C1QTNF8: variants seen among roughly 807,000 people sequenced by gnomAD.
The protein encoded by C1QTNF8 is C1q and TNF related 8.
A neutral mutation model predicts 19.2 loss-of-function variants in C1QTNF8; 27 were observed. The ratio of observed to expected loss-of-function variants is 1.41; its 90% CI spans 1.04 to 1.94. C1QTNF8 has a LOEUF of 1.94. Ranked by LOEUF, C1QTNF8 falls within the 30% of genes most tolerant of loss-of-function variation. C1QTNF8 has a pLI of 0.00. For synonymous variants in C1QTNF8, 208 were observed against 172.8 expected (o/e 1.20, Z -1.60); for missense variants, 484 against 374.4 (o/e 1.29, Z -2.42).
At chr16:1,091,021 G>A (rs1960533261) in intron 4 of C1QTNF8, among the ~76,000 whole-genome samples, 1 of 152,210 alleles carries the variant, frequency 6.6e-6, no homozygotes, top group Non-Finnish European at 1.5e-5. Context: ...TGTGGGCCCA[G>A]CTGCTCAGAG....
Position 1,094,715 on chromosome 16 carries a change from C to A in C1QTNF8, c.208G>T (p.Gly70Cys). The A allele has an allele frequency of 6.3e-7, 1 of 1,593,998 alleles. No homozygotes were observed. The highest frequency in any genetic ancestry group is 8.5e-7 in the Non-Finnish European group (1 of 1,170,988). The change falls in exon 3 of 5, where the codon GGT becomes TGT. Residue 70 changes from glycine to cysteine, a missense_variant and splice_region_variant. Transcript: ENST00000328449. ...TGCAGGCAGCACCCACGGGCCTCACCTTTGAGGATTTCGATGTCTATAGTG... is the reference window on the plus strand; with the variant it reads ...TGCAGGCAGCACCCACGGGCCTCACATTTGAGGATTTCGATGTCTATAGTG... ...RPTIDIEILK[G>C]EKGEAGVRGR...
At position 1,094,665 on chromosome 16, in the gene C1QTNF8, G is replaced by C. The variant is rs1960645700; in HGVS notation, c.208+50C>G. The C allele has an allele frequency of 2.7e-6, 4 of 1,509,072 alleles. 1 individual carries two copies. In the South Asian group the frequency reaches 4.7e-5, roughly 18 times the overall value. The allele number at this position is 1,509,072 out of a possible 1,614,324, so 93.5% of individuals were successfully genotyped here. ...CCCAGGTGCTCCCCACTCCCTGTGG[G>C]CTGTTGGGTCCTGGTGGGGGAGCAT... On this transcript the variant is annotated intron_variant, in intron 3 of 4. Transcript: ENST00000328449.
At chr16:1,096,009 C>A (rs1423033975) in intron 1 of C1QTNF8, 147 bp downstream of exon 1, 3 of 152,388 alleles carry the variant, frequency 2.0e-5, no homozygotes, top group Non-Finnish European at 4.4e-5. Context: ...CGTCCCAGCC[C>A]CTGGCCCTGC....
chr16:1,093,637 A>C lies in C1QTNF8; in HGVS notation c.623T>G (p.Met208Arg). The C allele has an allele frequency of 1.1e-5, 17 of 1,610,018 alleles. No individual in the cohort carries two copies. Among genetic ancestry groups the C allele is most frequent in the Non-Finnish European group, 1.4e-5 (17 of 1,178,450 alleles). ...ERSVMQAQSL[M>R]LLLAAGDAVW... The stretch of plus-strand genomic sequence containing the variant: ...GGCGTCGCCCGCCGCCAGCAGCAGC[A>C]TCAGGCTCTGGGCCTGCATGACGCT... The change falls in exon 4 of 5, where the codon ATG becomes AGG. Residue 208 changes from methionine (M) to arginine (R), a missense_variant. Physicochemically the swap from Met to Arg is moderately conservative, Grantham distance 91. Coordinates refer to ENST00000328449, the MANE Select transcript of C1QTNF8 (RefSeq NM_207419.3).
Position 1,093,783 on chromosome 16 carries a change from C to G in C1QTNF8, c.477G>C (p.Thr159=). ...FDLAAGRFLC[T]VPGVYFLSLN... is the part of the protein sequence containing the mutation. ...GGCTGAGGAAGTAGACGCCGGGCAC[C>G]GTGCAGAGGAAGCGGCCCGCGGCCA... is the stretch of plus-strand genomic sequence containing the variant. Residue 159 remains threonine (T), a synonymous_variant, in exon 4 of 5, where the codon ACG becomes ACC. Transcript: ENST00000328449. 2 of 1,612,046 alleles carry G rather than the reference C, an allele frequency of 1.2e-6. No homozygotes were observed. The highest frequency in any genetic ancestry group is 1.7e-6 in the Non-Finnish European group (2 of 1,179,670).
intron 3 of C1QTNF8, 132 bp downstream of exon 3, chr16:1,094,583 G>T: frequency 1.5e-6 from 1 of 652,764 alleles, no homozygotes; most frequent in African/African-American, 1.9e-5. Context: ...TGTGCAGGGA[G>T]CGCTGCCAGG....
At position 1,089,955 on chromosome 16, in the gene C1QTNF8, A is replaced by G. The variant is rs1479236612; in HGVS notation, c.*644T>C. 6.6e-6 allele frequency: 1 copy of G among 152,346 alleles called. No homozygotes were observed. The highest frequency in any genetic ancestry group is 1.5e-5 in the Non-Finnish European group (1 of 68,150). The allele number at this position is 152,346 out of a possible 1,614,324, so 9.4% of individuals were successfully genotyped here. ...GTGTCCCGCTATCCCAGCCAGGAGC[A>G]GACTCAGGCCCTGGGCCAAAGTGCA... On this transcript the variant is annotated 3_prime_UTR_variant, in exon 5 of 5. Coordinates refer to ENST00000328449, the MANE Select transcript of C1QTNF8 (RefSeq NM_207419.3).
chr16:1,089,398 C>T lies in C1QTNF8; in HGVS notation c.*1201G>A, dbSNP rs1050597474. 6.6e-6 allele frequency among the ~76,000 whole-genome samples: 1 copy of T among 152,216 alleles called. No homozygotes were observed. The highest frequency in any genetic ancestry group is 2.4e-5 in the African/African-American group (1 of 41,456). ...GGAACCCCTGGAGCCGTGCAGCTGT[C>T]CTCCGGGGCCTGGACACCAAGGGCT... On this transcript the variant is annotated 3_prime_UTR_variant, in exon 5 of 5. Coordinates refer to ENST00000328449, the MANE Select transcript of C1QTNF8 (RefSeq NM_207419.3).
In C1QTNF8 at chr16:1,093,469, C is replaced by G. The variant is rs764668142; in HGVS notation, c.*4+28G>C. On this transcript the variant is annotated intron_variant, in intron 4 of 4. Coordinates refer to ENST00000328449, the MANE Select transcript of C1QTNF8 (RefSeq NM_207419.3). ...ACACACACACACACGCGCGCGCGCGCCCGGTGCTCAGCCGCGGGGCCCCTC... is the reference window on the plus strand; with the variant it reads ...ACACACACACACACGCGCGCGCGCGGCCGGTGCTCAGCCGCGGGGCCCCTC... 1.1e-4 allele frequency: 155 copies of G among 1,465,924 alleles called. 1 individual carries two copies. The highest frequency in any genetic ancestry group is 1.3e-4 in the Non-Finnish European group (147 of 1,108,304). The allele number at this position is 1,465,924 out of a possible 1,614,324, so 90.8% of individuals were successfully genotyped here.
chr16:1,094,607 C>A lies in C1QTNF8; in HGVS notation c.208+108G>T, dbSNP rs548413033. On this transcript the variant is annotated intron_variant, in intron 3 of 4. Coordinates refer to ENST00000328449, the MANE Select transcript of C1QTNF8 (RefSeq NM_207419.3). ...AGCGCTGCCAGGGCAGACACTGGTG[C>A]TCAGCGTGCCCCTCCCGCCCCTCCT... 9.5e-6 allele frequency: 8 copies of A among 844,492 alleles called. No homozygotes were observed. The East Asian group carries it at 2.5e-4, about 26-fold the overall frequency. The allele number at this position is 844,492 out of a possible 1,614,324, so 52.3% of individuals were successfully genotyped here.
At position 1,094,033 on chromosome 16, in the gene C1QTNF8, C is replaced by T; in HGVS notation, c.227G>A (p.Gly76Asp). 1 of 1,467,256 alleles carries T rather than the reference C, an allele frequency of 6.8e-7. No individual in the cohort carries two copies. Among genetic ancestry groups the T allele is most frequent in the Admixed American group, 2.7e-5 (1 of 36,460 alleles). 90.9% of individuals were successfully genotyped at this position (1,467,256 alleles called of 1,614,324 possible). Residue 76 changes from glycine (G) to aspartate (D), a missense_variant, in exon 4 of 5, where the codon GGC becomes GAC. Gly to Asp is a moderately conservative substitution (Grantham distance 94). Transcript: ENST00000328449. ...GCTCCTGCCGGCCCGACCTCGGACG[C>T]CGGCCTCACCCTTCTCACCTGCAGG... ...EILKGEKGEA[G>D]VRGRAGRSGK...
intron 4 of C1QTNF8, among the ~76,000 whole-genome samples, chr16:1,091,320 G>A: frequency 6.6e-6 from 1 of 152,160 alleles, no homozygotes; most frequent in East Asian, 1.9e-4. Flanking sequence ...AGCTGCTCCT[G>A]ATGCTGCTCC....
Position 1,094,939 on chromosome 16 carries a change from G to A in C1QTNF8, c.-11-6C>T. Reference sequence around the variant, plus strand: ...GGCTGCCATCTTGGCCAGGGCTGGGGGAGAGGAAAGAGGGGAGGGACTGAG... The same window carrying A: ...GGCTGCCATCTTGGCCAGGGCTGGGAGAGAGGAAAGAGGGGAGGGACTGAG... On this transcript the variant is annotated splice_region_variant and splice_polypyrimidine_tract_variant and intron_variant, in intron 2 of 4. Coordinates refer to ENST00000328449, the MANE Select transcript of C1QTNF8 (RefSeq NM_207419.3). The A allele has an allele frequency of 4.0e-6, 5 of 1,241,290 alleles. No homozygotes were observed. The highest frequency in any genetic ancestry group is 5.2e-6 in the Non-Finnish European group (5 of 965,786). The allele number at this position is 1,241,290 out of a possible 1,614,324, so 76.9% of individuals were successfully genotyped here. A position where few individuals can be genotyped will look rare whatever the true frequency, so the allele number is the denominator to read the frequency against.
rs2151563065 is a variant in C1QTNF8, at chr16:1,088,722, A to T, written c.*1877T>A. On this transcript the variant is annotated 3_prime_UTR_variant, in exon 5 of 5. Coordinates refer to ENST00000328449, the MANE Select transcript of C1QTNF8 (RefSeq NM_207419.3). Reference sequence around the variant, plus strand: ...CGGTTCTCTGAGAACCAGGGTCGCCACTGGCATTCATTAGACACCCCCGCC... The same window carrying T: ...CGGTTCTCTGAGAACCAGGGTCGCCTCTGGCATTCATTAGACACCCCCGCC... 1.3e-5 allele frequency among the ~76,000 whole-genome samples: 1 copy of T among 75,474 alleles called. No homozygotes were observed. The highest frequency in any genetic ancestry group is 2.2e-4 in the East Asian group (1 of 4,574). 49.5% of individuals were successfully genotyped at this position (75,474 alleles called of 152,430 possible).
rs576983981 is a variant in C1QTNF8, at chr16:1,090,236, C to G, written c.*363G>C. The G allele has an allele frequency of 1.3e-5, 2 of 152,666 alleles. No homozygotes were observed. Among genetic ancestry groups the G allele is most frequent in the South Asian group, 4.1e-4 (2 of 4,834 alleles). The allele number at this position is 152,666 out of a possible 1,614,324, so 9.5% of individuals were successfully genotyped here. Reference sequence around the variant, plus strand: ...GGGGCAGCCTGGCCCCAGGGACAGCCTCAGGGAAAGAGGTGGATGCCGGGC... The same window carrying G: ...GGGGCAGCCTGGCCCCAGGGACAGCGTCAGGGAAAGAGGTGGATGCCGGGC... On this transcript the variant is annotated 3_prime_UTR_variant, in exon 5 of 5. Coordinates refer to ENST00000328449, the MANE Select transcript of C1QTNF8 (RefSeq NM_207419.3).
In C1QTNF8 at chr16:1,093,852, CA is replaced by C. The variant is rs1318064263; in HGVS notation, c.407del (p.Val136GlyfsTer8). ...GLHSSDHFQA[V>X]PFDTELVNLD... ...GGTTCACCAGCTCCGTGTCGAAGGG[CA>C]CCGCCTGGAAGTGGTCGGAGCTGTG... On this transcript the variant is annotated frameshift_variant, in exon 4 of 5. Transcript: ENST00000328449. LOFTEE classifies it high-confidence loss of function. 6.2e-7 allele frequency: 1 copy of C among 1,604,882 alleles called. No homozygotes were observed. The highest frequency in any genetic ancestry group is 2.2e-5 in the East Asian group (1 of 44,818).
At chr16:1,093,195 C>A (rs370585240) in intron 4 of C1QTNF8, among the ~76,000 whole-genome samples, 4 of 133,060 alleles carry the variant, frequency 3.0e-5, no homozygotes, top group South Asian at 2.5e-4. Flanking sequence ...GGCGCTCAAC[C>A]AATCACAGCA....
chr16:1,093,816 G>C lies in C1QTNF8; in HGVS notation c.444C>G (p.Ala148=). The C allele has an allele frequency of 6.2e-7, 1 of 1,610,236 alleles. No individual in the cohort carries two copies. The highest frequency in any genetic ancestry group is 8.5e-7 in the Non-Finnish European group (1 of 1,179,602). The change falls in exon 4 of 5, where the codon GCC becomes GCG. Residue 148 remains alanine, a synonymous_variant. Transcript: ENST00000328449. ...GGAAGCGGCCCGCGGCCAGGTCGAAGGCGCCGTCCAGGTTCACCAGCTCCG... is the reference window on the plus strand; with the variant it reads ...GGAAGCGGCCCGCGGCCAGGTCGAACGCGCCGTCCAGGTTCACCAGCTCCG... ...FDTELVNLDG[A]FDLAAGRFLC...
chr16:1,088,611 G>A lies in C1QTNF8; in HGVS notation c.*1988C>T, dbSNP rs956427251. ...TATCTTATCTCACTTTCAGTTCTCAGTCATTGTTTTTTAAACAAATAAACC... is the reference window on the plus strand; with the variant it reads ...TATCTTATCTCACTTTCAGTTCTCAATCATTGTTTTTTAAACAAATAAACC... On this transcript the variant is annotated 3_prime_UTR_variant, in exon 5 of 5. Transcript: ENST00000328449. Among the ~76,000 whole-genome samples the A allele has an allele frequency of 3.3e-5, 5 of 152,186 alleles. No individual in the cohort carries two copies. Among genetic ancestry groups the A allele is most frequent in the East Asian group, 3.8e-4 (2 of 5,196 alleles).
Sources: gnomAD v4.1 joint callset for allele counts (sites outside exome capture counted in the v4.1 genomes callset) on GRCh38, gnomAD v4.1.1 for gene constraint, MANE v1.5 for transcripts, NCBI Gene and HGNC (gene_info 2026-07-23, HGNC 2026-07-21) for gene names.